The following SULT4A1 variants were observed in gnomAD, a reference collection of about 807,000 sequenced individuals.
SULT4A1 encodes sulfotransferase 4A1.
A neutral mutation model predicts 35.2 loss-of-function variants in SULT4A1; 11 were observed. The observed-to-expected ratio is 0.31, with a 90% CI of 0.20 to 0.52. SULT4A1 has a LOEUF of 0.52. SULT4A1 is among the 20% of genes least tolerant of loss of function. The pLI is 0.97. For missense variants in SULT4A1, 271 were observed against 383.7 expected, an observed-to-expected ratio of 0.71 and a Z score of 2.45; for synonymous variants, 152 against 151.8, an observed-to-expected ratio of 1.00 and a Z score of -0.01.
At chr22:43,839,768 A>G (rs1014095481) in intron 3 of SULT4A1, among the ~76,000 whole-genome samples, 177 bp downstream of exon 3, 1 of 152,088 alleles carries the variant, frequency 6.6e-6, no homozygotes, top group Non-Finnish European at 1.5e-5. Context: ...ACTTGGGTAA[A>G]ATGCTAGAGA....
chr22:43,831,931 C>T (rs2063328641), intron 5 of SULT4A1, among the ~76,000 whole-genome samples: 1 of 152,242 alleles, frequency 6.6e-6, no homozygotes, highest in African/African-American at 2.4e-5. Flanking sequence ...AGGTACACAC[C>T]AGGCGGGCCC....
chr22:43,837,033 C>T (rs924755134), intron 4 of SULT4A1, among the ~76,000 whole-genome samples: 3 of 152,264 alleles, frequency 2.0e-5, no homozygotes, highest in African/African-American at 4.8e-5. Flanking sequence ...TTATGCAGGA[C>T]CCTCCTGCTG....
In SULT4A1 at chr22:43,825,975, G is replaced by T. The variant is rs1228303375; in HGVS notation, c.*26C>A. 1 of 1,604,724 alleles carries T rather than the reference G, an allele frequency of 6.2e-7. No individual in the cohort carries two copies. Among genetic ancestry groups the T allele is most frequent in the Non-Finnish European group, 8.5e-7 (1 of 1,172,210 alleles). ...GGCTAGTAGACTGTCTGGGTATTGT[G>T]AGCATGCAGGTTGTTGTTTCTGTTA... is the stretch of plus-strand genomic sequence containing the variant. On this transcript the variant is annotated 3_prime_UTR_variant, in exon 7 of 7. Coordinates refer to ENST00000330884, the MANE Select transcript of SULT4A1 (RefSeq NM_014351.4).
chr22:43,827,558 A>T, intron 6 of SULT4A1: 1 of 1,365,120 alleles, frequency 7.3e-7, no homozygotes. Flanking sequence ...TGTGACATGA[A>T]TCAAATCTAA....
intron 2 of SULT4A1, among the ~76,000 whole-genome samples, chr22:43,840,987 TG>T (rs2148289753): frequency 6.6e-6 from 1 of 152,320 alleles, no homozygotes; most frequent in South Asian, 2.1e-4. Context: ...CGCTGATCGC[TG>T]GCTAGCTACT....
chr22:43,853,346 C>G (rs2049365253), intron 1 of SULT4A1, among the ~76,000 whole-genome samples: 1 of 152,252 alleles, frequency 6.6e-6, no homozygotes, highest in Non-Finnish European at 1.5e-5. Context: ...GTTGCTGGGA[C>G]TGACCTCCAC....
intron 1 of SULT4A1, among the ~76,000 whole-genome samples, chr22:43,850,206 C>T (rs977262045): frequency 6.6e-6 from 1 of 152,112 alleles, no homozygotes; most frequent in Admixed American, 6.5e-5. Flanking sequence ...TTATTTTTAC[C>T]CTCAAATTTC....
chr22:43,852,852 G>A (rs1284918737), intron 1 of SULT4A1, among the ~76,000 whole-genome samples: 15 of 151,230 alleles, frequency 9.9e-5, no homozygotes, highest in African/African-American at 3.2e-4. Flanking sequence ...AGCTCGCTAC[G>A]ACTTCCCCCT....
chr22:43,858,225 C>T (rs2049425851), intron 1 of SULT4A1, among the ~76,000 whole-genome samples: 1 of 152,124 alleles, frequency 6.6e-6, no homozygotes, highest in African/African-American at 2.4e-5. Flanking sequence ...GAGGCCAAGG[C>T]AGGAGGATTA....
chr22:43,825,903 T>G lies in SULT4A1; in HGVS notation c.*98A>C. 8.1e-7 allele frequency: 1 copy of G among 1,236,910 alleles called. No individual in the cohort carries two copies. Among genetic ancestry groups the G allele is most frequent in the Non-Finnish European group, 1.2e-6 (1 of 867,570 alleles). 76.6% of individuals were successfully genotyped at this position (1,236,910 alleles called of 1,614,324 possible). A position where few individuals can be genotyped will look rare whatever the true frequency, so the allele number is the denominator to read the frequency against. ...TTCCCCCGCTGTTTCACACGCTGCT[T>G]CCAGAGTTTGTCCAGCAAGGAATAA... On this transcript the variant is annotated 3_prime_UTR_variant, in exon 7 of 7. Coordinates refer to ENST00000330884, the MANE Select transcript of SULT4A1 (RefSeq NM_014351.4).
intron 5 of SULT4A1, among the ~76,000 whole-genome samples, chr22:43,831,471 G>A (rs1332402193): frequency 2.0e-5 from 3 of 152,110 alleles, no homozygotes; most frequent in African/African-American, 7.2e-5. Context: ...CTGGGTATGG[G>A]CCCGATAAGC....
chr22:43,840,447 A>G (rs1342610595), intron 2 of SULT4A1, among the ~76,000 whole-genome samples: 2 of 151,712 alleles, frequency 1.3e-5, no homozygotes, highest in Non-Finnish European at 2.9e-5. Context: ...ACATGAGCAC[A>G]CCCCGGCTGG....
chr22:43,829,004 A>G, intron 6 of SULT4A1, 56 bp downstream of exon 6: 1 of 1,471,260 alleles, frequency 6.8e-7, no homozygotes, highest in Non-Finnish European at 9.0e-7. Flanking sequence ...CAGGCAGAGA[A>G]AGCAGCCTGG....
chr22:43,854,010 G>C (rs868465117), intron 1 of SULT4A1, among the ~76,000 whole-genome samples: 1 of 152,352 alleles, frequency 6.6e-6, no homozygotes, highest in South Asian at 2.1e-4. Context: ...TTGGGGAAAG[G>C]AGGCTCTGGT....
chr22:43,857,861 G>A lies in SULT4A1; in HGVS notation c.169+4353C>T, dbSNP rs533797231. Among the ~76,000 whole-genome samples, 41 of 151,194 alleles carry A rather than the reference G, an allele frequency of 2.7e-4. 2 individuals are homozygous for A. In the South Asian group the frequency reaches 8.4e-3, roughly 31 times the overall value. On this transcript the variant is annotated intron_variant, in intron 1 of 6. Coordinates refer to ENST00000330884, the MANE Select transcript of SULT4A1 (RefSeq NM_014351.4). ...GCCCATGAGTCCAAGACCAGCCTAG[G>A]CAACATGGTGAGACCCTATCTCTAC...
chr22:43,841,106 C>T (rs967853391), intron 2 of SULT4A1, among the ~76,000 whole-genome samples: 8 of 152,216 alleles, frequency 5.3e-5, no homozygotes, highest in African/African-American at 1.7e-4. Context: ...CAGTACGGAA[C>T]GACTCCCAGA....
At chr22:43,858,695 G>A (rs1165881551) in intron 1 of SULT4A1, among the ~76,000 whole-genome samples, 1 of 152,028 alleles carries the variant, frequency 6.6e-6, no homozygotes, top group Non-Finnish European at 1.5e-5. Flanking sequence ...AGGAAGCGCT[G>A]GCAGGTGCTA....
At chr22:43,836,403 C>G (rs112950179) in intron 4 of SULT4A1, among the ~76,000 whole-genome samples, 1 of 139,802 alleles carries the variant, frequency 7.2e-6, no homozygotes, top group African/African-American at 2.8e-5. Flanking sequence ...ACAGCGTCCT[C>G]ACACTGCAGG....
rs763727322 is a variant in SULT4A1, at chr22:43,845,665, C to A, written c.170-3733G>T. ...CCAGGGGTCCCCAACCCCCAGGCCA[C>A]GGGTCTGTGGCCTGTTCCGAACCGA... is the stretch of plus-strand genomic sequence containing the variant. On this transcript the variant is annotated intron_variant, in intron 1 of 6. Transcript: ENST00000330884. 5.9e-5 allele frequency among the ~76,000 whole-genome samples: 9 copies of A among 152,290 alleles called. No homozygotes were observed. In the East Asian group the frequency reaches 1.7e-3, roughly 29 times the overall value.
Sources: gnomAD v4.1 joint callset for allele counts (sites outside exome capture counted in the v4.1 genomes callset) on GRCh38, gnomAD v4.1.1 for gene constraint, MANE v1.5 for transcripts, NCBI Gene and HGNC (gene_info 2026-07-23, HGNC 2026-07-21) for gene names.